Variants in COL3A1 observed in about 807,000 individuals in gnomAD.
COL3A1 encodes the protein collagen type III alpha 1 chain, also known as collagen alpha-1(III) chain.
In COL3A1, 46 loss-of-function variants were observed where a neutral mutation model predicts 200.9. The observed-to-expected ratio is 0.23, with a 90% CI of 0.18 to 0.29. COL3A1 has a LOEUF of 0.29. Ranked by LOEUF, COL3A1 falls within the 10% of genes least tolerant of loss-of-function variation. The probability of loss-of-function intolerance (pLI) is 1.00; values close to 1 mark genes in which losing one functional copy is unlikely to be tolerated. For missense variants in COL3A1, 1,367 were observed against 1,917.6 expected (o/e 0.71, Z 5.36); for synonymous variants, 650 against 628.0 (o/e 1.03, Z -0.52).
In COL3A1 at chr2:189,005,406, A is replaced by G; in HGVS notation, c.2988A>G (p.Gly996=). The part of the protein sequence containing the change: ...NGLSGERGPP[G]PQGLPGLAGT... ...TCAGTGGAGAACGTGGTCCCCCTGGACCCCAGGGTCTTCCTGGTCTGGCTG... is the reference window on the plus strand; with the variant it reads ...TCAGTGGAGAACGTGGTCCCCCTGGGCCCCAGGGTCTTCCTGGTCTGGCTG... Residue 996 remains glycine (G), a synonymous_variant, in exon 41 of 51, where the codon GGA becomes GGG. Transcript: ENST00000304636. 3.1e-6 allele frequency: 5 copies of G among 1,614,104 alleles called. No homozygotes were observed. The highest frequency in any genetic ancestry group is 4.2e-6 in the Non-Finnish European group (5 of 1,179,976).
At chr2:189,002,070 T>A (rs1559059799) in intron 34 of COL3A1, among the ~76,000 whole-genome samples, 2 of 152,202 alleles carry the variant, frequency 1.3e-5, no homozygotes, top group African/African-American at 2.4e-5. Context: ...ATTCTCAAAC[T>A]ATTTTTCTTG....
intron 32 of COL3A1, among the ~76,000 whole-genome samples, chr2:189,000,146 A>G (rs188698549): frequency 3.3e-4 from 50 of 152,360 alleles, no homozygotes; most frequent in African/African-American, 1.1e-3. Context: ...TTTGTGAGTC[A>G]CTAAAATCTG....
rs757734757 is a variant in COL3A1 at position 189,010,222 on chromosome 2, A to G, written c.3868A>G (p.Ile1290Val). 2 of 1,614,174 alleles carry G rather than the reference A, an allele frequency of 1.2e-6. No homozygotes were observed. The highest frequency in any genetic ancestry group is 2.2e-5 in the East Asian group (1 of 44,878). ...DPNQGCKLDA[I>V]KVFCNMETGE... ...TAACCAAGGATGCAAATTGGATGCTATCAAGGTATTCTGTAATATGGAAAC... is the reference window on the plus strand; with the variant it reads ...TAACCAAGGATGCAAATTGGATGCTGTCAAGGTATTCTGTAATATGGAAAC... Residue 1290 changes from isoleucine (I) to valine (V), a missense_variant, in exon 49 of 51, where the codon ATC becomes GTC. Ile to Val is a conservative substitution (Grantham distance 29). This residue lies in a region of COL3A1 where 846 missense variants were observed against 1,147.9 expected (regional missense o/e 0.74). Transcript: ENST00000304636.
intron 28 of COL3A1, 133 bp downstream of exon 28, chr2:188,998,452 A>C: frequency 1.0e-6 from 1 of 956,714 alleles, no homozygotes; most frequent in East Asian, 2.6e-5. Context: ...ATATTATCAA[A>C]ACAAAGACAA....
chr2:189,004,315 C>T lies in COL3A1; in HGVS notation c.2882C>T (p.Pro961Leu). 1 of 1,607,850 alleles carries T rather than the reference C, an allele frequency of 6.2e-7. No homozygotes were observed. Among genetic ancestry groups the T allele is most frequent in the Non-Finnish European group, 8.5e-7 (1 of 1,177,552 alleles). ...ACTGGAGCACGGGGTCTTGCAGGACCACCAGGCATGCCAGGTCCTAGGGGA... is the reference window on the plus strand; with the variant it reads ...ACTGGAGCACGGGGTCTTGCAGGACTACCAGGCATGCCAGGTCCTAGGGGA... ...GITGARGLAG[P>L]PGMPGPRGSP... Residue 961 changes from proline to leucine, a missense_variant, in exon 40 of 51, where the codon CCA becomes CTA. By Grantham distance (98) the Pro-to-Leu change is moderately conservative (BLOSUM62 -3). This residue lies in a region of COL3A1 where 846 missense variants were observed against 1,147.9 expected (regional missense o/e 0.74). Transcript: ENST00000304636.
At position 189,001,524 on chromosome 2, in the gene COL3A1, C is replaced by G. The variant is rs758093247; in HGVS notation, c.2338-12C>G. 6.2e-7 allele frequency: 1 copy of G among 1,614,114 alleles called. No homozygotes were observed. The highest frequency in any genetic ancestry group is 8.5e-7 in the Non-Finnish European group (1 of 1,180,010). Reference sequence around the variant, plus strand: ...TGGATGCAAGACAGTGACATGGCTTCTCTTTTTCCAGGGTGAAGGTGGTGC... The same window carrying G: ...TGGATGCAAGACAGTGACATGGCTTGTCTTTTTCCAGGGTGAAGGTGGTGC... On this transcript the variant is annotated splice_polypyrimidine_tract_variant and intron_variant, in intron 33 of 50. Transcript: ENST00000304636.
Position 188,991,730 on chromosome 2 carries a change from T to C in COL3A1, c.951+8T>C, listed in dbSNP as rs556947675. On this transcript the variant is annotated splice_region_variant and intron_variant, in intron 13 of 50. Transcript: ENST00000304636. ...GGACTTCCTGGGGCTGCAGTGAGTA[T>C]AGCTGCTAACATCACACAATTACAA... 5 of 1,613,812 alleles carry C rather than the reference T, an allele frequency of 3.1e-6. No individual in the cohort carries two copies. The South Asian group carries it at 5.5e-5, about 18-fold the overall frequency.
At chr2:188,986,966 G>C in intron 4 of COL3A1, 93 bp from the exon 5 acceptor site, 1 of 1,059,732 alleles carries the variant, frequency 9.4e-7, no homozygotes, top group Non-Finnish European at 1.5e-6. Context: ...CCTATCAGTA[G>C]ACAGTAGATG....
intron 50 of COL3A1, 150 bp downstream of exon 50, chr2:189,011,040 T>C: frequency 1.9e-6 from 2 of 1,034,038 alleles, no homozygotes; most frequent in East Asian, 2.6e-5. Flanking sequence ...TACTGATTCA[T>C]TGCAGGGAAT....
Position 188,999,838 on chromosome 2 carries a change from A to G in COL3A1, c.2230-4A>G. 1 of 1,594,378 alleles carries G rather than the reference A, an allele frequency of 6.3e-7. No individual in the cohort carries two copies. ...ATCTGATGACATTGGCTTTTATTTG[A>G]CAGGGTGAACCAGGCGGTCCAGGTG... On this transcript the variant is annotated splice_polypyrimidine_tract_variant and splice_region_variant and intron_variant, in intron 31 of 50. Coordinates refer to ENST00000304636, the MANE Select transcript of COL3A1 (RefSeq NM_000090.4).
chr2:188,986,258 T>G (rs999292875), intron 4 of COL3A1, among the ~76,000 whole-genome samples: 1 of 152,026 alleles, frequency 6.6e-6, no homozygotes, highest in Non-Finnish European at 1.5e-5. Context: ...AGAGCACACC[T>G]TGCTTCTCCT....
At position 189,007,949 on chromosome 2, in the gene COL3A1, C is replaced by T. The variant is rs1422980779; in HGVS notation, c.3417+11C>T. The T allele has an allele frequency of 6.2e-7, 1 of 1,614,096 alleles. No homozygotes were observed. Among genetic ancestry groups the T allele is most frequent in the Non-Finnish European group, 8.5e-7 (1 of 1,180,008 alleles). On this transcript the variant is annotated intron_variant, in intron 46 of 50. Transcript: ENST00000304636. The stretch of plus-strand genomic sequence containing the variant: ...CCTGCAGGCCCCAGAGTAAGTAGCA[C>T]AGAAAGATATTACAGGTCCACATGT...
rs1311692679 is a variant in COL3A1, at chr2:189,003,513, A to G, written c.2607+49A>G. ...TTATTGAAAAGCATTAATTGATATC[A>G]ACCTGTATAAAAGCTGCATTTGAGA... is the stretch of plus-strand genomic sequence containing the variant. On this transcript the variant is annotated intron_variant, in intron 37 of 50. Transcript: ENST00000304636. 3.2e-6 allele frequency: 5 copies of G among 1,563,524 alleles called. No homozygotes were observed. The African/African-American group carries it at 4.1e-5, about 13-fold the overall frequency.
In COL3A1 at chr2:188,994,685, T is replaced by A. The variant is rs754912074; in HGVS notation, c.1348-39T>A. On this transcript the variant is annotated intron_variant, in intron 19 of 50. Coordinates refer to ENST00000304636, the MANE Select transcript of COL3A1 (RefSeq NM_000090.4). The surrounding 1 kb of genome is among the most constrained non-coding windows in gnomAD (Gnocchi z 4.5). ...GGTAAAAACTTTGAACTAAATTCAG[T>A]CATAATTTCTTTATTTTACCATCTT... 5 of 1,610,766 alleles carry A rather than the reference T, an allele frequency of 3.1e-6. No homozygotes were observed. The highest frequency in any genetic ancestry group is 4.2e-6 in the Non-Finnish European group (5 of 1,177,974).
chr2:189,003,267 A>G (rs1576470159), intron 36 of COL3A1, 144 bp from the exon 37 acceptor site: 1 of 778,744 alleles, frequency 1.3e-6, no homozygotes, highest in Admixed American at 2.1e-5. Flanking sequence ...TTATATGAAT[A>G]TAGTCCAAGT....
At chr2:188,999,216 T>C in intron 29 of COL3A1, 69 bp from the exon 30 acceptor site, 2 of 1,390,146 alleles carry the variant, frequency 1.4e-6, no homozygotes, top group East Asian at 2.5e-5. Context: ...TTCAAAATGA[T>C]GCAAGTTAAG....
rs1368039760 is a variant in COL3A1, at chr2:188,994,215, G to T, written c.1195-19G>T. The T allele has an allele frequency of 5.6e-6, 9 of 1,613,530 alleles. No individual in the cohort carries two copies. In the Admixed American group the frequency reaches 1.3e-4, roughly 24 times the overall value. ...AACATTCAAGTTCGGCTAATATAGT[G>T]TCTTTGGTTTGTTCTTAGGGTCCCG... On this transcript the variant is annotated intron_variant, in intron 17 of 50. Coordinates refer to ENST00000304636, the MANE Select transcript of COL3A1 (RefSeq NM_000090.4). This position sits in a 1 kb window ranked among gnomAD's most constrained non-coding sequence, Gnocchi z 4.5.
rs377657564 is a variant in COL3A1, at chr2:189,004,233, C to T, written c.2824-24C>T. 6 of 1,599,692 alleles carry T rather than the reference C, an allele frequency of 3.8e-6. No individual in the cohort carries two copies. In the African/African-American group the frequency reaches 8.0e-5, roughly 21 times the overall value. On this transcript the variant is annotated intron_variant, in intron 39 of 50. Transcript: ENST00000304636. ...AAAAACACTGTCACATAAAGATGAG[C>T]TAAGTCTTCATTATCTGTATTAGGG...
intron 1 of COL3A1, among the ~76,000 whole-genome samples, chr2:188,981,879 T>G (rs1178719484): frequency 6.6e-6 from 1 of 151,608 alleles, no homozygotes; most frequent in African/African-American, 2.4e-5. Context: ...CAAAACTATT[T>G]TTTTCAGCAA....
Sources: gnomAD v4.1 joint callset for allele counts (sites outside exome capture counted in the v4.1 genomes callset) on GRCh38, gnomAD v4.1.1 for gene constraint, gnomAD v4.1.1 regional missense constraint, Gnocchi (gnomAD v3.1) non-coding constraint, MANE v1.5 for transcripts, NCBI Gene and HGNC (gene_info 2026-07-23, HGNC 2026-07-21) for gene names.